The following RANBP2 variants were observed in gnomAD, a reference collection of about 807,000 sequenced individuals.
RANBP2 encodes the protein E3 SUMO-protein ligase RanBP2.
RANBP2 carries 57 observed loss-of-function variants against 303.6 expected under a neutral mutation model. The ratio of observed to expected loss-of-function variants is 0.19; its 90% CI spans 0.15 to 0.23. RANBP2 has a LOEUF of 0.23. Ranked by LOEUF, RANBP2 falls within the 10% of genes least tolerant of loss-of-function variation. The pLI, the probability that RANBP2 is intolerant of heterozygous loss-of-function variation, is 1.00. For missense variants in RANBP2, 3,138 were observed against 3,780.8 expected, an observed-to-expected ratio of 0.83 and a Z score of 4.46; for synonymous variants, 1,167 against 1,301.5, an observed-to-expected ratio of 0.90 and a Z score of 2.23.
chr2:108,770,536 A>T (rs187756432), intron 20 of RANBP2, among the ~76,000 whole-genome samples: 1 of 152,314 alleles, frequency 6.6e-6, no homozygotes, highest in African/African-American at 2.4e-5. Flanking sequence ...CAGAGGGATC[A>T]CTTGAGCCCA....
the RANBP2 span, among the ~76,000 whole-genome samples, chr2:109,428,051 C>A: frequency 6.6e-6 from 1 of 152,254 alleles, no homozygotes; most frequent in Non-Finnish European, 1.5e-5. Flanking sequence ...GCCTCCAGTG[C>A]AGCCCCTGAC....
the RANBP2 span, among the ~76,000 whole-genome samples, chr2:109,631,607 T>C: frequency 6.6e-6 from 1 of 151,680 alleles, no homozygotes; most frequent in African/African-American, 2.4e-5. Context: ...AATACAAAAA[T>C]TAGTAGGGCG....
the RANBP2 span, among the ~76,000 whole-genome samples, chr2:109,418,077 C>G: frequency 3.9e-5 from 6 of 152,104 alleles, no homozygotes; most frequent in African/African-American, 1.4e-4. Flanking sequence ...GACACAGGCA[C>G]CTTCCCCATT....
the RANBP2 span, among the ~76,000 whole-genome samples, chr2:109,371,958 C>T: frequency 6.6e-6 from 1 of 152,178 alleles, no homozygotes; most frequent in Admixed American, 6.5e-5. Context: ...TGTGCACCTT[C>T]CCCGTTTTCT....
At chr2:109,633,945 C>A in the RANBP2 span, among the ~76,000 whole-genome samples, 1 of 151,376 alleles carries the variant, frequency 6.6e-6, no homozygotes, top group Non-Finnish European at 1.5e-5. Context: ...TATGGGGAAA[C>A]CCCATCTCTA....
At chr2:109,295,245 C>T in the RANBP2 span, among the ~76,000 whole-genome samples, 1 of 152,248 alleles carries the variant, frequency 6.6e-6, no homozygotes, top group Non-Finnish European at 1.5e-5. Context: ...TTTGCACACA[C>T]TCCCTCGCTT....
chr2:109,498,237 G>A, the RANBP2 span, among the ~76,000 whole-genome samples: 19 of 152,300 alleles, frequency 1.2e-4, no homozygotes, highest in East Asian at 5.8e-4. Flanking sequence ...TCGTGCACCC[G>A]TAGATGCTCT....
chr2:109,031,917 C>G, the RANBP2 span, among the ~76,000 whole-genome samples: 1 of 147,498 alleles, frequency 6.8e-6, no homozygotes, highest in Non-Finnish European at 1.5e-5. Context: ...CTTCCCCTCC[C>G]CCCACATCCG....
the RANBP2 span, among the ~76,000 whole-genome samples, chr2:109,060,534 C>T: frequency 6.6e-6 from 1 of 152,142 alleles, no homozygotes; most frequent in African/African-American, 2.4e-5. Context: ...CTCTCTATAG[C>T]GTTTTAAGAA....
the RANBP2 span, among the ~76,000 whole-genome samples, chr2:109,142,127 G>C: frequency 6.6e-6 from 1 of 151,592 alleles, no homozygotes; most frequent in East Asian, 1.9e-4. Context: ...GTCACCTACC[G>C]GGTGGGGTCC....
chr2:109,429,494 G>A, the RANBP2 span, among the ~76,000 whole-genome samples: 1 of 152,178 alleles, frequency 6.6e-6, no homozygotes, highest in Non-Finnish European at 1.5e-5. Flanking sequence ...TAGTGCCCTG[G>A]TGCACGTCAG....
the RANBP2 span, among the ~76,000 whole-genome samples, chr2:109,425,540 T>TC: frequency 1.3e-5 from 2 of 152,218 alleles, no homozygotes; most frequent in South Asian, 4.1e-4. Flanking sequence ...AAGCCAGTGT[T>TC]CATTTGCCAT....
the RANBP2 span, among the ~76,000 whole-genome samples, chr2:108,847,113 T>A: frequency 6.6e-6 from 1 of 152,248 alleles, no homozygotes; most frequent in African/African-American, 2.4e-5. Flanking sequence ...AAGTCTTTAG[T>A]TGGATTCTTG....
the RANBP2 span, among the ~76,000 whole-genome samples, chr2:109,247,645 GCTGCGTTAGCTCTTC>G: frequency 2.1e-3 from 325 of 152,328 alleles, 1 homozygote; most frequent in African/African-American, 7.5e-3. Flanking sequence ...TGACGGACTG[GCTGCGTTAGCTCTTC>G]CTTTGTTAGT....
At chr2:108,876,388 C>T in the RANBP2 span, 1 of 529,290 alleles carries the variant, frequency 1.9e-6, no homozygotes, top group Non-Finnish European at 3.2e-6. Context: ...TTTTTTTGAA[C>T]TGTAAAAATG....
At chr2:109,245,323 C>G in the RANBP2 span, among the ~76,000 whole-genome samples, 1 of 152,056 alleles carries the variant, frequency 6.6e-6, no homozygotes, top group Non-Finnish European at 1.5e-5. Context: ...TGGTCATTCC[C>G]TCTGTCCCCA....
the RANBP2 span, among the ~76,000 whole-genome samples, chr2:109,194,424 A>G: frequency 6.6e-6 from 1 of 152,186 alleles, no homozygotes; most frequent in Non-Finnish European, 1.5e-5. Context: ...CACAGTCTTC[A>G]GCTGCGCTCT....
the RANBP2 span, among the ~76,000 whole-genome samples, chr2:108,791,305 A>G: frequency 6.6e-6 from 1 of 152,266 alleles, no homozygotes; most frequent in Admixed American, 6.5e-5. Flanking sequence ...TATGTCACCC[A>G]TCAGTTATTT....
At chr2:109,495,477 C>CTTTTTTTTTTTTTTTTTTTTTTTTTTT in the RANBP2 span, among the ~76,000 whole-genome samples, 1 of 94,240 alleles carries the variant, frequency 1.1e-5, no homozygotes, top group Non-Finnish European at 2.0e-5. Flanking sequence ...TCTTTCATTC[C>CTTTTTTTTTTTTTTTTTTTTTTTTTTT]TTTTTTTTTT....
Sources: gnomAD v4.1 joint callset for allele counts (sites outside exome capture counted in the v4.1 genomes callset) on GRCh38, gnomAD v4.1.1 for gene constraint, MANE v1.5 for transcripts, NCBI Gene and HGNC (gene_info 2026-07-23, HGNC 2026-07-21) for gene names.